LRP1B: variants seen among roughly 807,000 people sequenced by gnomAD.
LRP1B encodes the protein low-density lipoprotein receptor-related protein 1B.
In LRP1B, 217 loss-of-function variants were observed where a neutral mutation model predicts 556.6. The ratio of observed to expected loss-of-function variants is 0.39; its 90% CI spans 0.35 to 0.44. LRP1B has a LOEUF of 0.44. Ranked by LOEUF, LRP1B falls within the 20% of genes least tolerant of loss-of-function variation. The probability of loss-of-function intolerance (pLI) is 1.00; values close to 1 mark genes in which losing one functional copy is unlikely to be tolerated. For synonymous variants in LRP1B, 2,047 were observed against 1,865.8 expected (o/e 1.10, Z -2.50); for missense variants, 5,053 against 5,620.8 (o/e 0.90, Z 3.23).
chr2:140,337,565 A>G (rs758809150), intron 77 of LRP1B, among the ~76,000 whole-genome samples: 1 of 151,916 alleles, frequency 6.6e-6, no homozygotes, highest in Non-Finnish European at 1.5e-5. Context: ...TGTGAATCAT[A>G]AATCTACAAA....
At chr2:141,823,441 G>C (rs573181681) in intron 1 of LRP1B, among the ~76,000 whole-genome samples, 6 of 152,144 alleles carry the variant, frequency 3.9e-5, no homozygotes, top group Admixed American at 3.9e-4. Flanking sequence ...TTTAGTCACT[G>C]TGTGTTGGGT....
At chr2:141,612,059 C>G (rs1267046387) in intron 2 of LRP1B, among the ~76,000 whole-genome samples, 1 of 152,158 alleles carries the variant, frequency 6.6e-6, no homozygotes, top group Admixed American at 6.5e-5. Flanking sequence ...TAACTGTATG[C>G]TTGCACAGAA....
At chr2:140,996,049 T>C (rs956098056) in intron 15 of LRP1B, among the ~76,000 whole-genome samples, 3 of 151,992 alleles carry the variant, frequency 2.0e-5, no homozygotes, top group Non-Finnish European at 4.4e-5. Flanking sequence ...TAAAATCCTT[T>C]GTGTCTAATC....
At chr2:140,310,440 C>A (rs1684249736) in intron 83 of LRP1B, among the ~76,000 whole-genome samples, 1 of 143,096 alleles carries the variant, frequency 7.0e-6, no homozygotes, top group African/African-American at 2.6e-5. Context: ...GCCTGAATAG[C>A]CAAAGTAATT....
chr2:140,414,901 G>C (rs998899435), intron 66 of LRP1B, among the ~76,000 whole-genome samples: 1 of 152,136 alleles, frequency 6.6e-6, no homozygotes, highest in Non-Finnish European at 1.5e-5. Context: ...TTTTCTTCTT[G>C]CAGAGAGCCT....
chr2:141,176,808 T>A (rs1175095454), intron 7 of LRP1B, among the ~76,000 whole-genome samples: 1 of 152,092 alleles, frequency 6.6e-6, no homozygotes, highest in Non-Finnish European at 1.5e-5. Flanking sequence ...TTGAAAAAGA[T>A]GACTCCACCC....
At chr2:141,890,323 CATATATATATATAT>C (rs556472129) in intron 1 of LRP1B, among the ~76,000 whole-genome samples, 3 of 83,818 alleles carry the variant, frequency 3.6e-5, no homozygotes, top group Non-Finnish European at 4.7e-5. Context: ...GGGCACAATA[CATATATATATATAT>C]ATATATATAT....
At chr2:141,300,776 C>T (rs568087821) in intron 3 of LRP1B, among the ~76,000 whole-genome samples, 14 of 152,228 alleles carry the variant, frequency 9.2e-5, no homozygotes, top group East Asian at 1.9e-4. Context: ...AATCAGAAGC[C>T]GCTATGCTTT....
intron 41 of LRP1B, among the ~76,000 whole-genome samples, chr2:140,687,284 C>A (rs945096710): frequency 2.0e-5 from 3 of 152,114 alleles, no homozygotes; most frequent in Admixed American, 6.5e-5. Flanking sequence ...CCCTGACATG[C>A]TTTTACATAT....
At chr2:140,594,476 T>G (rs186761357) in intron 43 of LRP1B, among the ~76,000 whole-genome samples, 1 of 152,210 alleles carries the variant, frequency 6.6e-6, no homozygotes, top group African/African-American at 2.4e-5. Context: ...CCTAAAGATA[T>G]TCAAAAGAAG....
intron 52 of LRP1B, among the ~76,000 whole-genome samples, chr2:140,509,430 T>C (rs1268805970): frequency 2.0e-5 from 3 of 152,174 alleles, no homozygotes; most frequent in Non-Finnish European, 2.9e-5. Flanking sequence ...CTCAGCTTCA[T>C]TCGGCTATAT....
intron 7 of LRP1B, among the ~76,000 whole-genome samples, chr2:141,079,346 G>A (rs558129204): frequency 6.6e-6 from 1 of 152,152 alleles, no homozygotes; most frequent in Non-Finnish European, 1.5e-5. Context: ...CTGAAGTACT[G>A]GGACCACTGA....
intron 1 of LRP1B, among the ~76,000 whole-genome samples, chr2:141,993,667 T>C (rs887641652): frequency 1.3e-5 from 2 of 152,172 alleles, no homozygotes; most frequent in Non-Finnish European, 2.9e-5. Flanking sequence ...AAAGTGTCTT[T>C]GGCAGTGACT....
chr2:141,000,380 G>A (rs1000516111), intron 15 of LRP1B, among the ~76,000 whole-genome samples: 7 of 152,118 alleles, frequency 4.6e-5, no homozygotes, highest in Non-Finnish European at 1.0e-4. Context: ...AGTCAGTAAA[G>A]TATAAAAGTG....
chr2:141,483,297 A>AT (rs1325813672), intron 2 of LRP1B, among the ~76,000 whole-genome samples: 1 of 150,722 alleles, frequency 6.6e-6, no homozygotes, highest in African/African-American at 2.4e-5. Context: ...TGAACTCATC[A>AT]TTTTTTATGG....
chr2:141,689,940 T>C (rs1184423741), intron 2 of LRP1B, among the ~76,000 whole-genome samples: 1 of 151,706 alleles, frequency 6.6e-6, no homozygotes, highest in East Asian at 1.9e-4. Context: ...AAACATAAAA[T>C]ATGGAGATAT....
chr2:141,886,664 G>C (rs1699123259), intron 1 of LRP1B, among the ~76,000 whole-genome samples: 1 of 152,138 alleles, frequency 6.6e-6, no homozygotes, highest in Non-Finnish European at 1.5e-5. Context: ...TAGTGAAAAA[G>C]TAACATTTAA....
intron 41 of LRP1B, among the ~76,000 whole-genome samples, chr2:140,615,000 T>A (rs1683207323): frequency 6.6e-6 from 1 of 152,278 alleles, no homozygotes; most frequent in East Asian, 1.9e-4. Flanking sequence ...AAAATGAAGA[T>A]AACAGCCCCT....
Position 141,321,292 on chromosome 2 carries a change from T to A in LRP1B, c.344-66651A>T, listed in dbSNP as rs554992826. On this transcript the variant is annotated intron_variant, in intron 3 of 90. Transcript: ENST00000389484. ...TTATTAAAAACAAACAAACAAACAT[T>A]GGCTTGTAAAACTAAAAAGTAAAGA... Among the ~76,000 whole-genome samples, 72 of 152,158 alleles carry A rather than the reference T, an allele frequency of 4.7e-4. 1 individual carries two copies. Among genetic ancestry groups the A allele is most frequent in the Admixed American group, 4.3e-3 (65 of 15,254 alleles).
Sources: gnomAD v4.1 joint callset for allele counts (sites outside exome capture counted in the v4.1 genomes callset) on GRCh38, gnomAD v4.1.1 for gene constraint, MANE v1.5 for transcripts, NCBI Gene and HGNC (gene_info 2026-07-23, HGNC 2026-07-21) for gene names.